Variants in EYA4 observed in about 807,000 individuals in gnomAD.
EYA4 encodes protein phosphatase EYA4.
In EYA4, 31 loss-of-function variants were observed where a neutral mutation model predicts 87.9. The ratio of observed to expected loss-of-function variants is 0.35; its 90% CI spans 0.27 to 0.48. EYA4 has a LOEUF of 0.48. Ranked by LOEUF, EYA4 falls within the 20% of genes least tolerant of loss-of-function variation. The pLI, the probability that EYA4 is intolerant of heterozygous loss-of-function variation, is 0.99. For synonymous variants in EYA4, 263 were observed against 270.6 expected (o/e 0.97, Z 0.28); for missense variants, 678 against 761.4 (o/e 0.89, Z 1.29).
chr6:133,487,707 C>T (rs553541541), intron 13 of EYA4, among the ~76,000 whole-genome samples: 60 of 152,264 alleles, frequency 3.9e-4, no homozygotes, highest in Non-Finnish European at 6.9e-4. Flanking sequence ...CACTCTTGGG[C>T]CCTGAATAAT....
chr6:133,274,719 G>A lies in EYA4; in HGVS notation c.-62G>A. On this transcript the variant is annotated 5_prime_UTR_variant, in exon 2 of 20. Coordinates refer to ENST00000355286, the MANE Select transcript of EYA4 (RefSeq NM_004100.5). ...TGTTTCCATCTTCTTGTTTTAGATA[G>A]TCATTTTTACTTGAAGGAAGCTGCT... The A allele has an allele frequency of 7.2e-7, 1 of 1,388,316 alleles. No homozygotes were observed. The highest frequency in any genetic ancestry group is 1.0e-6 in the Non-Finnish European group (1 of 974,974). 86.0% of individuals were successfully genotyped at this position (1,388,316 alleles called of 1,614,324 possible). A position where few individuals can be genotyped will look rare whatever the true frequency, so the allele number is the denominator to read the frequency against.
rs117472613 is a variant in EYA4 at position 133,485,329 on chromosome 6, G to A, written c.1191+2214G>A. Among the ~76,000 whole-genome samples the A allele has an allele frequency of 2.9e-3, 436 of 152,252 alleles. 1 individual carries two copies. The highest frequency in any genetic ancestry group is 4.9e-3 in the Non-Finnish European group (330 of 68,010). Reference sequence around the variant, plus strand: ...CCAAAAGAAGGAGAATACCAAAAGGGTGGGGCAAAGCGAGGGGAAGAAGGA... The same window carrying A: ...CCAAAAGAAGGAGAATACCAAAAGGATGGGGCAAAGCGAGGGGAAGAAGGA... On this transcript the variant is annotated intron_variant, in intron 13 of 19. Transcript: ENST00000355286.
intron 16 of EYA4, among the ~76,000 whole-genome samples, chr6:133,514,684 A>G (rs775209187): frequency 1.3e-4 from 20 of 152,332 alleles, no homozygotes; most frequent in Middle Eastern, 6.8e-3. Flanking sequence ...AAAATAAAAA[A>G]TTAGCACATC....
rs1794479159 is a variant in EYA4 at position 133,462,439 on chromosome 6, A to G, written c.542A>G (p.Tyr181Cys). The change falls in exon 8 of 20, where the codon TAC (tyrosine) becomes TGC (cysteine). Residue 181 changes from tyrosine (Y) to cysteine (C), a missense_variant. Transcript: ENST00000355286. ...GMQQPAVYTA[Y>C]SQTGQPYSLP... ...CAGCAGCCAGCCGTCTACACAGCCT[A>G]CTCACAGACAGGACAGCCCTACAGC... 6.2e-7 allele frequency: 1 copy of G among 1,614,056 alleles called. No homozygotes were observed. Among genetic ancestry groups the G allele is most frequent in the Non-Finnish European group, 8.5e-7 (1 of 1,179,966 alleles).
chr6:133,498,223 A>C (rs1350367816), intron 13 of EYA4, among the ~76,000 whole-genome samples: 3 of 152,190 alleles, frequency 2.0e-5, no homozygotes, highest in African/African-American at 7.2e-5. Context: ...TGGCAGTGCT[A>C]ACAAACACCA....
At chr6:133,395,848 G>A (rs1430379018) in intron 3 of EYA4, among the ~76,000 whole-genome samples, 1 of 152,190 alleles carries the variant, frequency 6.6e-6, no homozygotes, top group Non-Finnish European at 1.5e-5. Context: ...TAGAGTCCCA[G>A]TTTACACTTG....
Position 133,530,271 on chromosome 6 carries a change from T to G in EYA4, c.*1466T>G. The G allele has an allele frequency of 1.0e-6, 1 of 985,424 alleles. No homozygotes were observed. Among genetic ancestry groups the G allele is most frequent in the East Asian group, 1.1e-4 (1 of 8,820 alleles). The allele number at this position is 985,424 out of a possible 1,614,324, so 61.0% of individuals were successfully genotyped here. ...TTGCATATGTTTGTTAGTTTCTGCC[T>G]GTATTGTCACTGCGCAACGGATGGC... On this transcript the variant is annotated 3_prime_UTR_variant, in exon 20 of 20. Transcript: ENST00000355286.
intron 3 of EYA4, among the ~76,000 whole-genome samples, chr6:133,399,431 T>C (rs980289862): frequency 6.6e-6 from 1 of 152,064 alleles, no homozygotes; most frequent in Non-Finnish European, 1.5e-5. Flanking sequence ...ATGTGTGGTG[T>C]AGAAAGGTGG....
chr6:133,320,126 G>A (rs13218570), intron 2 of EYA4, among the ~76,000 whole-genome samples: 15,945 of 149,674 alleles, frequency 0.11, 934 homozygotes, highest in South Asian at 0.14. Flanking sequence ...TTGAGTTTTC[G>A]ATGACCATTC....
At chr6:133,488,337 C>A (rs1583433984) in intron 13 of EYA4, among the ~76,000 whole-genome samples, 1 of 152,142 alleles carries the variant, frequency 6.6e-6, no homozygotes, top group African/African-American at 2.4e-5. Context: ...GAACTTGACA[C>A]CCTGAAGGGA....
chr6:133,319,284 G>A (rs1156858620), intron 2 of EYA4, among the ~76,000 whole-genome samples: 1 of 152,244 alleles, frequency 6.6e-6, no homozygotes. Flanking sequence ...GCCGGAAGTT[G>A]TGACTCTGCA....
chr6:133,509,172 T>C (rs1798911067), intron 14 of EYA4, among the ~76,000 whole-genome samples: 1 of 152,164 alleles, frequency 6.6e-6, no homozygotes, highest in Non-Finnish European at 1.5e-5. Context: ...GTTACATACA[T>C]AGCGCCCTAT....
chr6:133,466,589 C>T (rs951702139), intron 10 of EYA4, among the ~76,000 whole-genome samples: 2 of 151,954 alleles, frequency 1.3e-5, no homozygotes, highest in African/African-American at 2.4e-5. Context: ...ACAGGGCCTG[C>T]GAAAACATCA....
intron 1 of EYA4, among the ~76,000 whole-genome samples, chr6:133,249,239 G>T (rs1448878596): frequency 6.6e-6 from 1 of 152,126 alleles, no homozygotes. Context: ...CAAGGTCACA[G>T]GTCTAATCCT....
chr6:133,526,458 GTA>G (rs1210628738), intron 19 of EYA4, among the ~76,000 whole-genome samples: 2 of 152,154 alleles, frequency 1.3e-5, no homozygotes, highest in African/African-American at 4.8e-5. Flanking sequence ...AGGAAATGAT[GTA>G]TGTTTCTAGT....
chr6:133,414,815 C>G (rs927788235), intron 3 of EYA4, among the ~76,000 whole-genome samples: 3 of 151,888 alleles, frequency 2.0e-5, no homozygotes, highest in Non-Finnish European at 2.9e-5. Flanking sequence ...AAGTTAGTTC[C>G]CTGTTACTCC....
At chr6:133,280,970 T>C (rs1454156572) in intron 2 of EYA4, among the ~76,000 whole-genome samples, 1 of 152,176 alleles carries the variant, frequency 6.6e-6, no homozygotes, top group African/African-American at 2.4e-5. Flanking sequence ...AGTCATACAA[T>C]ATGAGAACTT....
chr6:133,343,776 T>A (rs1782995278), intron 2 of EYA4, among the ~76,000 whole-genome samples: 1 of 151,942 alleles, frequency 6.6e-6, no homozygotes. Flanking sequence ...GAGATATGGG[T>A]TAAAGGAGGA....
intron 2 of EYA4, among the ~76,000 whole-genome samples, chr6:133,313,328 A>G (rs1204132427): frequency 1.3e-5 from 2 of 152,338 alleles, no homozygotes; most frequent in East Asian, 1.9e-4. Context: ...GCCTGTGTCT[A>G]TTCTTCACAT....
Sources: allele counts gnomAD v4.1 joint callset (sites outside exome capture counted in the v4.1 genomes callset), GRCh38; gene constraint gnomAD v4.1.1; transcripts MANE v1.5; gene names NCBI Gene and HGNC (gene_info 2026-07-23, HGNC 2026-07-21).